The following ACOT7 variants were observed in gnomAD, a reference collection of about 807,000 sequenced individuals.
The protein encoded by ACOT7 is acyl-CoA thioesterase 7, also known as cytosolic acyl coenzyme A thioester hydrolase.
In ACOT7, 12 loss-of-function variants were observed where a neutral mutation model predicts 40.2. The observed-to-expected ratio is 0.30, with a 90% confidence interval of 0.19 to 0.48. ACOT7 has a LOEUF of 0.48. Among genes scored for constraint, ACOT7 ranks in the 20% least tolerant of loss-of-function variants. The pLI, the probability that ACOT7 is intolerant of heterozygous loss-of-function variation, is 0.99. For synonymous variants in ACOT7, 228 were observed against 219.5 expected (o/e 1.04, Z -0.34); for missense variants, 395 against 530.8 (o/e 0.74, Z 2.51).
intron 1 of ACOT7, among the ~76,000 whole-genome samples, chr1:6,369,609 C>A (rs529427749): frequency 6.6e-6 from 1 of 151,128 alleles, no homozygotes; most frequent in Non-Finnish European, 1.5e-5. Context: ...GATGGAGTCT[C>A]GCTGTATCGC....
At chr1:6,307,734 G>C (rs936615034) in intron 6 of ACOT7, among the ~76,000 whole-genome samples, 1 of 151,690 alleles carries the variant, frequency 6.6e-6, no homozygotes, top group East Asian at 1.9e-4. Context: ...ACGACCAGGC[G>C]GGGGAACTGC....
chr1:6,309,748 TGTGGTCAA>T (rs1170601345), intron 6 of ACOT7, among the ~76,000 whole-genome samples: 2 of 152,226 alleles, frequency 1.3e-5, no homozygotes, highest in African/African-American at 4.8e-5. Flanking sequence ...AAACGCTCTT[TGTGGTCAA>T]GTGCATGATC....
At chr1:6,305,022 C>A (rs78682913) in intron 6 of ACOT7, among the ~76,000 whole-genome samples, 1 of 122,374 alleles carries the variant, frequency 8.2e-6, no homozygotes, top group Non-Finnish European at 1.7e-5. Context: ...CCGGGCGGGG[C>A]GCTGACCCCC....
At chr1:6,380,857 G>A (rs912486468) in intron 1 of ACOT7, among the ~76,000 whole-genome samples, 2 of 151,698 alleles carry the variant, frequency 1.3e-5, no homozygotes, top group Non-Finnish European at 2.9e-5. Flanking sequence ...AAGGCACAAG[G>A]AACAAAAGAA....
chr1:6,385,731 G>A (rs1642427315), intron 1 of ACOT7: 1 of 1,543,824 alleles, frequency 6.5e-7, no homozygotes, highest in Non-Finnish European at 8.7e-7. Flanking sequence ...GCCCAAGCCT[G>A]TGTCTGCCTG....
chr1:6,314,052 A>G lies in ACOT7; in HGVS notation c.712+4440T>C, dbSNP rs567615329. Among the ~76,000 whole-genome samples the G allele has an allele frequency of 7.9e-5, 12 of 152,264 alleles. No homozygotes were observed. In the East Asian group the frequency reaches 2.3e-3, roughly 29 times the overall value. On this transcript the variant is annotated intron_variant, in intron 6 of 8. Transcript: ENST00000361521. ...CACAGAATGAGCAACGTGGAGGAGG[A>G]CTGAAGGCGGACCCCTCTAGGGAAC...
chr1:6,343,805 A>C (rs781112573), intron 2 of ACOT7, among the ~76,000 whole-genome samples: 5 of 152,246 alleles, frequency 3.3e-5, no homozygotes, highest in Non-Finnish European at 5.9e-5. Context: ...ACACAGATCA[A>C]ACAGACCTAT....
rs1322222267 is a variant in ACOT7, at chr1:6,299,365, G to A, written c.713-4385C>T. Among the ~76,000 whole-genome samples, 1 of 152,228 alleles carries A rather than the reference G, an allele frequency of 6.6e-6. No individual in the cohort carries two copies. Among genetic ancestry groups the A allele is most frequent in the South Asian group, 2.1e-4 (1 of 4,832 alleles). ...GAGGTTTGGAGGCTGAACAGAAAAGGAAAGAAAAATGAAATAACTCAGAAC... is the reference window on the plus strand; with the variant it reads ...GAGGTTTGGAGGCTGAACAGAAAAGAAAAGAAAAATGAAATAACTCAGAAC... On this transcript the variant is annotated intron_variant, in intron 6 of 8. Coordinates refer to ENST00000361521, the MANE Select transcript of ACOT7 (RefSeq NM_007274.4). The surrounding 1 kb of genome is among the most constrained non-coding windows in gnomAD (Gnocchi z 4.1).
chr1:6,366,144 C>A (rs1642006691), intron 1 of ACOT7, among the ~76,000 whole-genome samples: 1 of 152,030 alleles, frequency 6.6e-6, no homozygotes, highest in African/African-American at 2.4e-5. Flanking sequence ...GATCCGCCCA[C>A]CTCAGCCTCC....
chr1:6,286,725 T>A (rs2148385974), intron 7 of ACOT7, among the ~76,000 whole-genome samples: 1 of 152,326 alleles, frequency 6.6e-6, no homozygotes, highest in Admixed American at 6.5e-5. Flanking sequence ...ACAGGCCACC[T>A]GGGCATTTTG....
chr1:6,346,647 T>TG (rs1641432759), intron 2 of ACOT7, among the ~76,000 whole-genome samples: 1 of 152,266 alleles, frequency 6.6e-6, no homozygotes, highest in African/African-American at 2.4e-5. Flanking sequence ...CACTGTGCCC[T>TG]GACTCCACAT....
chr1:6,369,177 C>T (rs983453301), intron 1 of ACOT7, among the ~76,000 whole-genome samples: 2 of 151,720 alleles, frequency 1.3e-5, no homozygotes, highest in African/African-American at 4.8e-5. Flanking sequence ...GACGAGGTTT[C>T]ACCATGTTGG....
rs1047311727 is a variant in ACOT7 at position 6,371,572 on chromosome 1, A to G, written c.143+21685T>C. On this transcript the variant is annotated intron_variant, in intron 1 of 8. Transcript: ENST00000361521. ...GAGACAGGGTTTTGCCATGTTGGCC[A>G]GGCTGGTCTCAAACTCCTGACCTCA... Among the ~76,000 whole-genome samples, 4 of 151,378 alleles carry G rather than the reference A, an allele frequency of 2.6e-5. No individual in the cohort carries two copies. In the East Asian group the frequency reaches 8.0e-4, roughly 30 times the overall value.
chr1:6,326,545 G>T (rs1640803214), intron 5 of ACOT7, among the ~76,000 whole-genome samples: 1 of 152,254 alleles, frequency 6.6e-6, no homozygotes, highest in South Asian at 2.1e-4. Context: ...TCCAATCAAT[G>T]TCTGAACAGT....
intron 6 of ACOT7, among the ~76,000 whole-genome samples, chr1:6,310,730 GT>G (rs956502680): frequency 3.9e-5 from 6 of 152,048 alleles, no homozygotes. Context: ...TGTTTGTTTT[GT>G]TGTTGTTGTT....
chr1:6,286,482 G>A (rs113807811), intron 7 of ACOT7, among the ~76,000 whole-genome samples: 2,158 of 152,276 alleles, frequency 0.014, 66 homozygotes, highest in African/African-American at 0.049. Context: ...GCCAGTCTCC[G>A]GAGGCTACGA....
intron 1 of ACOT7, among the ~76,000 whole-genome samples, chr1:6,374,715 T>G (rs2148475759): frequency 6.6e-6 from 1 of 152,122 alleles, no homozygotes; most frequent in East Asian, 1.9e-4. Flanking sequence ...AAATGGAGGG[T>G]AAACTGCCAA....
At chr1:6,367,733 A>G (rs1642042915) in intron 1 of ACOT7, among the ~76,000 whole-genome samples, 1 of 152,208 alleles carries the variant, frequency 6.6e-6, no homozygotes, top group Admixed American at 6.5e-5. Flanking sequence ...GGACTCCCCA[A>G]AGGGCCACAG....
At chr1:6,276,145 C>T (rs1372151469) in intron 8 of ACOT7, among the ~76,000 whole-genome samples, 1 of 152,172 alleles carries the variant, frequency 6.6e-6, no homozygotes, top group Non-Finnish European at 1.5e-5. Context: ...TTCTCAGCCC[C>T]AACTCCCTGG....
Sources: gnomAD v4.1 joint callset for allele counts (sites outside exome capture counted in the v4.1 genomes callset) on GRCh38, gnomAD v4.1.1 for gene constraint, Gnocchi (gnomAD v3.1) non-coding constraint, MANE v1.5 for transcripts, NCBI Gene and HGNC (gene_info 2026-07-23, HGNC 2026-07-21) for gene names.